The following SUPV3L1 variants were observed in gnomAD, a reference collection of about 807,000 sequenced individuals.
The protein encoded by SUPV3L1 is Suv3 like RNA helicase.
A neutral mutation model predicts 70.0 loss-of-function variants in SUPV3L1; 35 were observed. That is an observed-to-expected ratio of 0.50 (90% confidence interval 0.38 to 0.66). SUPV3L1 has a LOEUF of 0.66. SUPV3L1 is among the 30% of genes least tolerant of loss of function. The pLI, the probability that SUPV3L1 is intolerant of heterozygous loss-of-function variation, is 0.00. For missense variants in SUPV3L1, 777 were observed against 961.5 expected, an observed-to-expected ratio of 0.81 and a Z score of 2.54; for synonymous variants, 364 against 341.9, an observed-to-expected ratio of 1.06 and a Z score of -0.71.
At position 69,180,526 on chromosome 10, in the gene SUPV3L1, G is replaced by T. The variant is rs779886583; in HGVS notation, c.235G>T (p.Asp79Tyr). 6.2e-7 allele frequency: 1 copy of T among 1,614,216 alleles called. No homozygotes were observed. Among genetic ancestry groups the T allele is most frequent in the South Asian group, 1.1e-5 (1 of 91,084 alleles). The change falls in exon 1 of 15, where the codon GAC becomes TAC. Residue 79 changes from aspartate to tyrosine, a missense_variant. Asp to Tyr is a radical substitution (Grantham distance 160). Coordinates refer to ENST00000359655, the MANE Select transcript of SUPV3L1 (RefSeq NM_003171.5). ...VKPQGPSADG[D>Y]VGAELTRPLD... ...ACCTCAGGGCCCCAGCGCCGACGGC[G>T]ACGTCGGGGCCGAGCTAACCCGGCC...
At chr10:69,182,985 T>C (rs1359444908) in intron 1 of SUPV3L1, among the ~76,000 whole-genome samples, 1 of 152,200 alleles carries the variant, frequency 6.6e-6, no homozygotes, top group Non-Finnish European at 1.5e-5. Context: ...TCTTTGTCTC[T>C]ACCCTGGACC....
In SUPV3L1 at chr10:69,199,059, A is replaced by G. The variant is rs764712883; in HGVS notation, c.1205-45A>G. On this transcript the variant is annotated intron_variant, in intron 9 of 14. Coordinates refer to ENST00000359655, the MANE Select transcript of SUPV3L1 (RefSeq NM_003171.5). ...CAAGATGTACTTAGCTTGATGTAAT[A>G]AAAGACTGAGAACACTGATTTAACA... 17 of 1,482,176 alleles carry G rather than the reference A, an allele frequency of 1.1e-5. No individual in the cohort carries two copies. The East Asian group carries it at 3.9e-4, about 34-fold the overall frequency. The allele number at this position is 1,482,176 out of a possible 1,614,324, so 91.8% of individuals were successfully genotyped here.
At chr10:69,204,759 T>G (rs772512236) in intron 13 of SUPV3L1, among the ~76,000 whole-genome samples, 1 of 151,544 alleles carries the variant, frequency 6.6e-6, no homozygotes, top group Non-Finnish European at 1.5e-5. Context: ...GAGGGTGCAT[T>G]TCCCCATAAA....
intron 10 of SUPV3L1, 147 bp downstream of exon 10, chr10:69,199,344 T>C: frequency 1.5e-6 from 1 of 653,070 alleles, no homozygotes; most frequent in Non-Finnish European, 2.6e-6. Context: ...TTGTCTTGCC[T>C]ACACCTATTG....
chr10:69,202,985 T>G lies in SUPV3L1; in HGVS notation c.1718T>G (p.Val573Gly). Residue 573 changes from valine (V) to glycine (G), a missense_variant, in exon 13 of 15, where the codon GTT (valine) becomes GGT (glycine). By Grantham distance (109) the Val-to-Gly change is moderately radical. Around this residue, in one of 2 missense-constraint regions of SUPV3L1, gnomAD observed 619 missense variants for 823.3 expected, o/e 0.75. Transcript: ENST00000359655. ...CCACTAAGTCTGCGAGTGAGGTATG[T>G]TTTCTGCACAGCTCCTATCAACAAG... is the stretch of plus-strand genomic sequence containing the variant. Reference protein sequence around the residue: ...HIPLSLRVRYVFCTAPINKKQ... With the variant: ...HIPLSLRVRYGFCTAPINKKQ... The G allele has an allele frequency of 2.5e-6, 4 of 1,614,128 alleles. No homozygotes were observed. In the South Asian group the frequency reaches 4.4e-5, roughly 18 times the overall value.
At chr10:69,180,927 C>T (rs1435986049) in intron 1 of SUPV3L1, among the ~76,000 whole-genome samples, 1 of 152,128 alleles carries the variant, frequency 6.6e-6, no homozygotes, top group Non-Finnish European at 1.5e-5. Flanking sequence ...CAGTGAAAAG[C>T]CAGCGGAGAC....
chr10:69,190,981 T>TTA (rs1206530174), intron 5 of SUPV3L1, among the ~76,000 whole-genome samples: 4 of 141,326 alleles, frequency 2.8e-5, no homozygotes, highest in Non-Finnish European at 6.4e-5. Flanking sequence ...TCTCAGGGAA[T>TTA]TATAATAGGA....
chr10:69,203,521 G>A (rs551211375), intron 13 of SUPV3L1, among the ~76,000 whole-genome samples: 12 of 151,724 alleles, frequency 7.9e-5, no homozygotes, highest in South Asian at 2.1e-4. Context: ...AAAATTATCC[G>A]GGCATGGTGG....
chr10:69,189,735 C>G (rs903829481), intron 5 of SUPV3L1, among the ~76,000 whole-genome samples: 1 of 151,426 alleles, frequency 6.6e-6, no homozygotes, highest in Admixed American at 6.6e-5. Flanking sequence ...CAAGCTCCGC[C>G]TCTCGGGTTC....
intron 10 of SUPV3L1, 61 bp downstream of exon 10, chr10:69,199,258 TTTCAG>T (rs1842622945): frequency 7.6e-7 from 1 of 1,310,514 alleles, no homozygotes; most frequent in Admixed American, 2.3e-5. Context: ...TTTTTTTGTT[TTTCAG>T]TTTTCTAATT....
intron 11 of SUPV3L1, among the ~76,000 whole-genome samples, chr10:69,201,909 C>T (rs1377923910): frequency 6.7e-6 from 1 of 149,100 alleles, no homozygotes; most frequent in Non-Finnish European, 1.5e-5. Context: ...GGCGCGATCT[C>T]GGCTCACTGC....
At chr10:69,206,385 A>G (rs1021068490) in intron 13 of SUPV3L1, among the ~76,000 whole-genome samples, 1 of 152,220 alleles carries the variant, frequency 6.6e-6, no homozygotes, top group African/African-American at 2.4e-5. Context: ...TAATCAGGAA[A>G]TGAATCATTT....
rs756541318 is a variant in SUPV3L1 at position 69,180,245 on chromosome 10, C to T, written c.-47C>T. On this transcript the variant is annotated 5_prime_UTR_variant, in exon 1 of 15. Transcript: ENST00000359655. ...CGCTGGAGGTGCGCGTCACTGTCCGCCGCCGTGTCCGCGGCTGCGCCAGAC... is the reference window on the plus strand; with the variant it reads ...CGCTGGAGGTGCGCGTCACTGTCCGTCGCCGTGTCCGCGGCTGCGCCAGAC... The T allele has an allele frequency of 4.4e-6, 7 of 1,581,104 alleles. No homozygotes were observed. In the South Asian group the frequency reaches 4.5e-5, roughly 10 times the overall value.
chr10:69,185,504 CTTTTTTTT>C (rs35590294), intron 1 of SUPV3L1, among the ~76,000 whole-genome samples: 1 of 139,518 alleles, frequency 7.2e-6, no homozygotes, highest in Non-Finnish European at 1.5e-5. Context: ...TCATTTTTCT[CTTTTTTTT>C]TTTTTTTGAG....
chr10:69,181,352 G>A (rs1842053703), intron 1 of SUPV3L1, among the ~76,000 whole-genome samples: 1 of 152,178 alleles, frequency 6.6e-6, no homozygotes, highest in South Asian at 2.1e-4. Flanking sequence ...CCAGGAATAG[G>A]AGGAGAAATG....
rs1842652680 is a variant in SUPV3L1 at position 69,200,339 on chromosome 10, A to G, written c.1358A>G (p.Glu453Gly). Reference sequence around the variant, plus strand: ...AAGCCCAGTATCAATGAAAAGGGAGAGAGAGAACTAGAACCAATCACAACC... The same window carrying G: ...AAGCCCAGTATCAATGAAAAGGGAGGGAGAGAACTAGAACCAATCACAACC... Reference protein sequence around the residue: ...LIKPSINEKGERELEPITTSQ... With the variant: ...LIKPSINEKGGRELEPITTSQ... Residue 453 changes from glutamate to glycine, a missense_variant, in exon 11 of 15, where the codon GAG (glutamate) becomes GGG (glycine). Physicochemically the swap from Glu to Gly is moderately conservative, Grantham distance 98. Around this residue, in one of 2 missense-constraint regions of SUPV3L1, gnomAD observed 619 missense variants for 823.3 expected, o/e 0.75. Transcript: ENST00000359655. 2 of 1,614,142 alleles carry G rather than the reference A, an allele frequency of 1.2e-6. No homozygotes were observed. Among genetic ancestry groups the G allele is most frequent in the African/African-American group, 1.3e-5 (1 of 75,038 alleles).
chr10:69,202,810 A>C, intron 12 of SUPV3L1, 57 bp from the exon 13 acceptor site: 1 of 1,507,070 alleles, frequency 6.6e-7, no homozygotes. Context: ...TATGTTATTC[A>C]TTGTTCATTT....
Position 69,198,510 on chromosome 10 carries a change from C to T in SUPV3L1, c.1162C>T (p.Arg388Trp), listed in dbSNP as rs747256767. Residue 388 changes from arginine (R) to tryptophan (W), a missense_variant, in exon 9 of 15, where the codon CGG (arginine) becomes TGG (tryptophan). This residue lies in a region of SUPV3L1 where 619 missense variants were observed against 823.3 expected (regional missense o/e 0.75). Transcript: ENST00000359655. The stretch of plus-strand genomic sequence containing the variant: ...TTCTGTGAGTCGGCAGATTGAAATT[C>T]GGGGATTAGAATCAGCTGTTATATA... ...IYSVSRQIEI[R>W]GLESAVIYGS... 18 of 1,613,848 alleles carry T rather than the reference C, an allele frequency of 1.1e-5. No individual in the cohort carries two copies. The highest frequency in any genetic ancestry group is 6.7e-5 in the East Asian group (3 of 44,882).
At chr10:69,184,782 G>A (rs1842170641) in intron 1 of SUPV3L1, among the ~76,000 whole-genome samples, 1 of 152,186 alleles carries the variant, frequency 6.6e-6, no homozygotes, top group Admixed American at 6.5e-5. Flanking sequence ...AGTGTTGTGT[G>A]TGTTGGACTG....
Sources: gnomAD v4.1 joint callset for allele counts (sites outside exome capture counted in the v4.1 genomes callset) on GRCh38, gnomAD v4.1.1 for gene constraint, gnomAD v4.1.1 regional missense constraint, MANE v1.5 for transcripts, NCBI Gene and HGNC (gene_info 2026-07-23, HGNC 2026-07-21) for gene names.